Variants in TRIM55 observed in about 807,000 individuals in gnomAD.
TRIM55 encodes the protein tripartite motif containing 55.
Under a neutral mutation model 60.9 loss-of-function variants are expected in TRIM55, and 50 were observed. The observed-to-expected ratio is 0.82, with a 90% CI of 0.65 to 1.04. The LOEUF (loss-of-function observed/expected upper bound fraction) is 1.04, where lower values mean the gene tolerates loss of function less well. Ranked by LOEUF, TRIM55 falls within the 50% of genes least tolerant of loss-of-function variation. The pLI is 0.00. For missense variants in TRIM55, 681 were observed against 666.9 expected (o/e 1.02, Z -0.23); for synonymous variants, 237 against 238.1 (o/e 1.00, Z 0.04).
At chr8:66,127,671 AC>A (rs1808888178) in intron 1 of TRIM55, among the ~76,000 whole-genome samples, 1 of 149,428 alleles carries the variant, frequency 6.7e-6, no homozygotes, top group African/African-American at 2.5e-5. Flanking sequence ...CACTAAAAAT[AC>A]AAAAAAAAAA....
the TRIM55 span, among the ~76,000 whole-genome samples, chr8:66,115,994 G>A: frequency 6.6e-6 from 1 of 152,182 alleles, no homozygotes; most frequent in African/African-American, 2.4e-5. Context: ...AGCACCTAGA[G>A]GCCGGGCAAG....
At chr8:66,128,888 G>A (rs556795533) in intron 2 of TRIM55, among the ~76,000 whole-genome samples, 17 of 152,262 alleles carry the variant, frequency 1.1e-4, no homozygotes, top group Admixed American at 4.6e-4. Flanking sequence ...TAATAGAAAT[G>A]GCATCTTCCG....
At chr8:66,148,323 C>T (rs867697896) in intron 4 of TRIM55, among the ~76,000 whole-genome samples, 4 of 152,232 alleles carry the variant, frequency 2.6e-5, no homozygotes, top group Admixed American at 6.5e-5. Flanking sequence ...AGCCAGACTT[C>T]CAACACAGCC....
intron 9 of TRIM55, among the ~76,000 whole-genome samples, chr8:66,166,148 T>G (rs971373403): frequency 6.6e-6 from 1 of 152,242 alleles, no homozygotes; most frequent in Admixed American, 6.5e-5. Flanking sequence ...AATTGTAGAC[T>G]ACATTTCTCA....
At chr8:66,167,148 T>C (rs534641697) in intron 9 of TRIM55, among the ~76,000 whole-genome samples, 79 of 152,332 alleles carry the variant, frequency 5.2e-4, no homozygotes, top group African/African-American at 1.8e-3. Flanking sequence ...CCTTTGGACT[T>C]CTGGTCTCTA....
chr8:66,139,946 A>G lies in TRIM55; in HGVS notation c.603+2756A>G, dbSNP rs575445481. ...ACTGCATATATGATGGAGGTCTCAT[A>G]AGATTATAATATCATATTTTTACTG... On this transcript the variant is annotated intron_variant, in intron 4 of 9. Transcript: ENST00000315962. 2.7e-4 allele frequency among the ~76,000 whole-genome samples: 41 copies of G among 152,346 alleles called. 1 individual carries two copies. The highest frequency in any genetic ancestry group is 2.5e-3 in the Admixed American group (39 of 15,298).
At chr8:66,135,980 A>C (rs1276415840) in intron 3 of TRIM55, among the ~76,000 whole-genome samples, 1 of 152,190 alleles carries the variant, frequency 6.6e-6, no homozygotes, top group Non-Finnish European at 1.5e-5. Context: ...CATCAGTTCC[A>C]CATTTGATCA....
At chr8:66,171,182 C>T (rs780203786) in intron 9 of TRIM55, among the ~76,000 whole-genome samples, 1 of 152,004 alleles carries the variant, frequency 6.6e-6, no homozygotes, top group South Asian at 2.1e-4. Context: ...TATTTCACAC[C>T]CAGGTAGTAA....
At position 66,149,754 on chromosome 8, in the gene TRIM55, A is replaced by C. The variant is rs968263820; in HGVS notation, c.713A>C (p.Glu238Ala). 1 of 1,614,208 alleles carries C rather than the reference A, an allele frequency of 6.2e-7. No homozygotes were observed. Among genetic ancestry groups the C allele is most frequent in the East Asian group, 2.2e-5 (1 of 44,872 alleles). ...EMTQVITRTQ[E>A]EKLEHVRALI... is the part of the protein sequence containing the mutation. Reference sequence around the variant, plus strand: ...ACCCAAGTCATTACCCGAACCCAAGAGGAGAAACTGGAACATGTCCGTGCT... The same window carrying C: ...ACCCAAGTCATTACCCGAACCCAAGCGGAGAAACTGGAACATGTCCGTGCT... Residue 238 changes from glutamate to alanine, a missense_variant, in exon 5 of 10, where the codon GAG becomes GCG. Physicochemically the swap from Glu to Ala is moderately radical, Grantham distance 107. Transcript: ENST00000315962.
chr8:66,174,397 A>G (rs1300876087), intron 9 of TRIM55, 74 bp from the exon 10 acceptor site: 20 of 1,401,954 alleles, frequency 1.4e-5, no homozygotes, highest in Middle Eastern at 1.8e-4. Context: ...TTTCTCCTCA[A>G]TAGAAAAGTG....
At chr8:66,137,250 C>T (rs1246613321) in intron 4 of TRIM55, 60 bp downstream of exon 4, 1 of 1,290,966 alleles carries the variant, frequency 7.7e-7, no homozygotes, top group African/African-American at 1.5e-5. Context: ...GGGTTTATGA[C>T]TTCCTTAGTG....
chr8:66,165,714 G>C, intron 9 of TRIM55, among the ~76,000 whole-genome samples: 1 of 152,252 alleles, frequency 6.6e-6, no homozygotes, highest in East Asian at 1.9e-4. Flanking sequence ...TAACAATAGA[G>C]AAAAACTGAT....
chr8:66,157,275 G>A (rs972785272), intron 9 of TRIM55, among the ~76,000 whole-genome samples: 1 of 152,134 alleles, frequency 6.6e-6, no homozygotes, highest in Non-Finnish European at 1.5e-5. Flanking sequence ...AAACCTTACT[G>A]TATAGTTCTT....
chr8:66,167,093 C>T (rs1470970398), intron 9 of TRIM55, among the ~76,000 whole-genome samples: 1 of 152,142 alleles, frequency 6.6e-6, no homozygotes, highest in Admixed American at 6.5e-5. Flanking sequence ...GAGGCTGACC[C>T]TGTCCCGAGT....
chr8:66,113,741 T>C, the TRIM55 span: 1 of 357,498 alleles, frequency 2.8e-6, no homozygotes, highest in African/African-American at 2.2e-5. Context: ...GGGCCCCGAG[T>C]CACACAGGAG....
Position 66,150,400 on chromosome 8 carries a change from A to G in TRIM55, c.919A>G (p.Met307Val), listed in dbSNP as rs746225689. Residue 307 changes from methionine (M) to valine (V), a missense_variant, in exon 7 of 10, where the codon ATG becomes GTG. Met to Val is a conservative substitution (Grantham distance 21). Transcript: ENST00000315962. ...GAAAATAGAACATGGCTATGAGAACATGAACCACTTCACAGTCAACCTCAA... is the reference window on the plus strand; with the variant it reads ...GAAAATAGAACATGGCTATGAGAACGTGAACCACTTCACAGTCAACCTCAA... ...MEKIEHGYEN[M>V]NHFTVNLNRE... 5.0e-6 allele frequency: 8 copies of G among 1,614,232 alleles called. No individual in the cohort carries two copies.
intron 4 of TRIM55, among the ~76,000 whole-genome samples, chr8:66,138,131 A>C (rs1238091915): frequency 6.6e-6 from 1 of 152,088 alleles, no homozygotes; most frequent in Non-Finnish European, 1.5e-5. Context: ...TGGAGGTATG[A>C]TGCTGTTCAG....
the TRIM55 span, among the ~76,000 whole-genome samples, chr8:66,117,237 G>C: frequency 6.6e-6 from 1 of 152,162 alleles, no homozygotes; most frequent in Non-Finnish European, 1.5e-5. Flanking sequence ...CAAGACCAAG[G>C]CAAGGGTGTC....
the TRIM55 span, among the ~76,000 whole-genome samples, chr8:66,114,081 CA>C: frequency 0.11 from 4,230 of 39,108 alleles, 626 homozygotes; most frequent in African/African-American, 0.28. Flanking sequence ...GAAGGAGAGA[CA>C]CCCCCCCCCC....
Sources: gnomAD v4.1 joint callset for allele counts (sites outside exome capture counted in the v4.1 genomes callset) on GRCh38, gnomAD v4.1.1 for gene constraint, MANE v1.5 for transcripts, NCBI Gene and HGNC (gene_info 2026-07-23, HGNC 2026-07-21) for gene names.